The following ST8SIA6 variants were observed in gnomAD, a reference collection of about 807,000 sequenced individuals.
ST8SIA6 encodes ST8 alpha-N-acetyl-neuraminide alpha-2,8-sialyltransferase 6.
ST8SIA6 carries 39 observed loss-of-function variants against 33.6 expected under a neutral mutation model. The observed-to-expected ratio is 1.16, with a 90% CI of 0.90 to 1.52. ST8SIA6 has a LOEUF of 1.52. Among genes scored for constraint, ST8SIA6 ranks in the 40% most tolerant of loss-of-function variants. ST8SIA6 has a pLI of 0.00. For synonymous variants in ST8SIA6, 172 were observed against 167.2 expected, an observed-to-expected ratio of 1.03 and a Z score of -0.22; for missense variants, 441 against 443.8, an observed-to-expected ratio of 0.99 and a Z score of 0.06.
chr10:17,447,220 C>A (rs1227344116), intron 2 of ST8SIA6, among the ~76,000 whole-genome samples: 3 of 151,724 alleles, frequency 2.0e-5, no homozygotes, highest in Non-Finnish European at 4.4e-5. Context: ...GAAACCCCAT[C>A]TTTACTAAAA....
intron 2 of ST8SIA6, chr10:17,408,315 C>CCAT (rs957321286): frequency 6.6e-6 from 1 of 152,576 alleles, no homozygotes; most frequent in Non-Finnish European, 1.5e-5. Flanking sequence ...TATGCAATCA[C>CCAT]CATCAGCAAG....
intron 3 of ST8SIA6, among the ~76,000 whole-genome samples, chr10:17,382,956 A>C (rs775900506): frequency 1.3e-5 from 2 of 152,246 alleles, no homozygotes; most frequent in Non-Finnish European, 2.9e-5. Context: ...TCCTTAATAA[A>C]GGTTATAAAG....
At position 17,390,426 on chromosome 10, in the gene ST8SIA6, G is replaced by T. The variant is rs895095889; in HGVS notation, c.290+105C>A. 31 of 964,246 alleles carry T rather than the reference G, an allele frequency of 3.2e-5. No individual in the cohort carries two copies. The African/African-American group carries it at 4.1e-4, about 13-fold the overall frequency. The allele number at this position is 964,246 out of a possible 1,614,324, so 59.7% of individuals were successfully genotyped here. On this transcript the variant is annotated intron_variant, in intron 3 of 7. Transcript: ENST00000377602. ...CTTCAGAGCCCAATGGTAAGCCTGAGAGTGAACAGTCTCATATTCCAAATG... is the reference window on the plus strand; with the variant it reads ...CTTCAGAGCCCAATGGTAAGCCTGATAGTGAACAGTCTCATATTCCAAATG...
At chr10:17,452,392 G>A (rs1172974407) in intron 2 of ST8SIA6, among the ~76,000 whole-genome samples, 2 of 152,106 alleles carry the variant, frequency 1.3e-5, no homozygotes, top group Admixed American at 1.3e-4. Flanking sequence ...ATACGCAGAA[G>A]AAAAGGGATT....
chr10:17,374,629 AC>A (rs1250167328), intron 3 of ST8SIA6, among the ~76,000 whole-genome samples: 4 of 151,164 alleles, frequency 2.6e-5, no homozygotes, highest in African/African-American at 9.7e-5. Context: ...TAGGAGAATC[AC>A]TTGAAACTAG....
intron 2 of ST8SIA6, 147 bp downstream of exon 2, chr10:17,453,412 G>T: frequency 4.2e-6 from 2 of 475,652 alleles, no homozygotes; most frequent in Non-Finnish European, 3.3e-6. Context: ...CCAACCCCGC[G>T]CCCTCTTCAA....
intron 3 of ST8SIA6, among the ~76,000 whole-genome samples, chr10:17,359,867 G>A (rs1208437049): frequency 3.3e-5 from 5 of 152,088 alleles, no homozygotes; most frequent in South Asian, 4.1e-4. Flanking sequence ...ACTTGCATAT[G>A]TATCTAATGG....
At chr10:17,434,055 C>G (rs1044300487) in intron 2 of ST8SIA6, among the ~76,000 whole-genome samples, 1 of 152,162 alleles carries the variant, frequency 6.6e-6, no homozygotes, top group Admixed American at 6.5e-5. Context: ...CCTGTTTAGC[C>G]TCCCCTGGCT....
rs1847916413 is a variant in ST8SIA6 at position 17,320,805 on chromosome 10, C to T, written c.*73G>A. On this transcript the variant is annotated 3_prime_UTR_variant, in exon 8 of 8. Transcript: ENST00000377602. ...TCTCAAAATACTCTTTAGCCACCTC[C>T]TTTGGTGTTTGGAGACATTGTTAAT... 6.6e-6 allele frequency: 10 copies of T among 1,505,842 alleles called. No homozygotes were observed. In the Admixed American group the frequency reaches 1.8e-4, roughly 27 times the overall value. 93.3% of individuals were successfully genotyped at this position (1,505,842 alleles called of 1,614,324 possible).
rs568381357 is a variant in ST8SIA6 at position 17,402,199 on chromosome 10, CAG to C, written c.201-11581_201-11580del. Among the ~76,000 whole-genome samples the C allele has an allele frequency of 1.4e-3, 208 of 152,300 alleles. 1 individual carries two copies. The East Asian group carries it at 0.038, about 28-fold the overall frequency. The stretch of plus-strand genomic sequence containing the variant: ...AAAAATGCTCATCATCACTGGCCAT[CAG>C]AGAAATGCAAATCAAAACCACAATG... On this transcript the variant is annotated intron_variant, in intron 2 of 7. Coordinates refer to ENST00000377602, the MANE Select transcript of ST8SIA6 (RefSeq NM_001004470.3).
At chr10:17,368,907 T>A (rs1261720355) in intron 3 of ST8SIA6, among the ~76,000 whole-genome samples, 1 of 152,108 alleles carries the variant, frequency 6.6e-6, no homozygotes, top group African/African-American at 2.4e-5. Context: ...TAATAAGAAG[T>A]CTGATGCTAT....
chr10:17,369,701 T>C (rs1849670617), intron 3 of ST8SIA6, among the ~76,000 whole-genome samples: 1 of 152,218 alleles, frequency 6.6e-6, no homozygotes, highest in South Asian at 2.1e-4. Context: ...CTTTGCTTCA[T>C]GTATTTTGGT....
intron 3 of ST8SIA6, among the ~76,000 whole-genome samples, chr10:17,384,928 C>T (rs1047478946): frequency 3.9e-5 from 6 of 152,094 alleles, no homozygotes; most frequent in African/African-American, 1.4e-4. Context: ...AATGAACTTT[C>T]GGGACCTACC....
chr10:17,440,467 A>G (rs1054105341), intron 2 of ST8SIA6, among the ~76,000 whole-genome samples: 13 of 152,094 alleles, frequency 8.5e-5, no homozygotes, highest in African/African-American at 3.1e-4. Context: ...CGGCCTCCCA[A>G]AGTGCTGGGA....
chr10:17,351,960 C>T (rs1243867692), intron 4 of ST8SIA6, among the ~76,000 whole-genome samples: 1 of 151,986 alleles, frequency 6.6e-6, no homozygotes, highest in East Asian at 1.9e-4. Context: ...TTTTCAAGAT[C>T]CATTGCACAA....
At chr10:17,449,888 C>CA (rs921497204) in intron 2 of ST8SIA6, among the ~76,000 whole-genome samples, 7 of 152,036 alleles carry the variant, frequency 4.6e-5, no homozygotes, top group Non-Finnish European at 1.5e-5. Flanking sequence ...ATAACAAGGA[C>CA]AAAAAAGCTT....
chr10:17,398,192 T>C (rs1190054686), intron 2 of ST8SIA6, among the ~76,000 whole-genome samples: 1 of 152,140 alleles, frequency 6.6e-6, no homozygotes, highest in Non-Finnish European at 1.5e-5. Flanking sequence ...CTAGGCATGG[T>C]GGCGCATGCC....
Position 17,454,199 on chromosome 10 carries a change from CA to C in ST8SIA6, c.56del (p.Leu19ArgfsTer33). ...ALLASLLLLL[L>X]LRLLWCPADA... The stretch of plus-strand genomic sequence containing the variant: ...CTGCCGGGCACCAGAGCAGGCGCAG[CA>C]GCAGCAGCAGCAGCAGGCTGGCGAG... On this transcript the variant is annotated frameshift_variant, in exon 1 of 8. Coordinates refer to ENST00000377602, the MANE Select transcript of ST8SIA6 (RefSeq NM_001004470.3). LOFTEE classifies it high-confidence loss of function. The surrounding 1 kb of genome is among the most constrained non-coding windows in gnomAD (Gnocchi z 4.1). The C allele has an allele frequency of 3.6e-6, 1 of 276,414 alleles. No homozygotes were observed. Among genetic ancestry groups the C allele is most frequent in the Non-Finnish European group, 6.7e-6 (1 of 149,824 alleles). The allele number at this position is 276,414 out of a possible 1,614,324, so 17.1% of individuals were successfully genotyped here.
intron 3 of ST8SIA6, among the ~76,000 whole-genome samples, chr10:17,380,290 G>A (rs1263509561): frequency 1.3e-5 from 2 of 152,168 alleles, no homozygotes; most frequent in East Asian, 3.8e-4. Flanking sequence ...AAACTGGTTT[G>A]GGATTCCATC....
Sources: gnomAD v4.1 joint callset for allele counts (sites outside exome capture counted in the v4.1 genomes callset) on GRCh38, gnomAD v4.1.1 for gene constraint, Gnocchi (gnomAD v3.1) non-coding constraint, MANE v1.5 for transcripts, NCBI Gene and HGNC (gene_info 2026-07-23, HGNC 2026-07-21) for gene names.